The following WWC2 variants were observed in gnomAD, a reference collection of about 807,000 sequenced individuals.
The protein encoded by WWC2 is WW and C2 domain containing 2, also known as protein WWC2.
A neutral mutation model predicts 138.5 loss-of-function variants in WWC2; 101 were observed. The ratio of observed to expected loss-of-function variants is 0.73; its 90% confidence interval spans 0.62 to 0.86. The LOEUF (loss-of-function observed/expected upper bound fraction) is 0.86, where lower values mean the gene tolerates loss of function less well. Among genes scored for constraint, WWC2 ranks in the 40% least tolerant of loss-of-function variants. The pLI, the probability that WWC2 is intolerant of heterozygous loss-of-function variation, is 0.00. For synonymous variants in WWC2, 558 were observed against 538.4 expected, an observed-to-expected ratio of 1.04 and a Z score of -0.50; for missense variants, 1,420 against 1,419.4, an observed-to-expected ratio of 1.00 and a Z score of -0.01.
At chr4:183,255,618 G>A (rs1000739844) in intron 9 of WWC2, among the ~76,000 whole-genome samples, 1 of 152,120 alleles carries the variant, frequency 6.6e-6, no homozygotes, top group Non-Finnish European at 1.5e-5. Flanking sequence ...GGTGAATCTA[G>A]GAAGGACTTA....
In WWC2 at chr4:183,099,523, C is replaced by G; in HGVS notation, c.32C>G (p.Pro11Arg). Reference protein sequence around the residue: MPRRAGSGQLPLPRGWEEARD... With the variant: MPRRAGSGQLRLPRGWEEARD... ...AGGAGGGCCGGGAGCGGTCAGCTGC[C>G]GCTGCCCCGGGGCTGGGAGGAGGCC... is the stretch of plus-strand genomic sequence containing the variant. The change falls in exon 1 of 23, where the codon CCG becomes CGG. Residue 11 changes from proline (P) to arginine (R), a missense_variant. By Grantham distance (103) the Pro-to-Arg change is moderately radical. Transcript: ENST00000403733. The G allele has an allele frequency of 7.2e-7, 1 of 1,396,160 alleles. No homozygotes were observed. Among genetic ancestry groups the G allele is most frequent in the Non-Finnish European group, 9.5e-7 (1 of 1,058,042 alleles). 86.5% of individuals were successfully genotyped at this position (1,396,160 alleles called of 1,614,324 possible).
At chr4:183,121,219 A>G (rs1732589444) in intron 1 of WWC2, among the ~76,000 whole-genome samples, 1 of 151,876 alleles carries the variant, frequency 6.6e-6, no homozygotes, top group Non-Finnish European at 1.5e-5. Flanking sequence ...AAAAAAAAAA[A>G]GTAACATTGT....
At chr4:183,259,572 A>T in intron 9 of WWC2, 67 bp from the exon 10 acceptor site, 2 of 1,212,550 alleles carry the variant, frequency 1.6e-6, no homozygotes, top group Non-Finnish European at 2.3e-6. Flanking sequence ...TACAATGAGA[A>T]TCTTTCTTTC....
In WWC2 at chr4:183,218,417, C is replaced by T. The variant is rs374629153; in HGVS notation, c.522+9392C>T. 4.5e-4 allele frequency among the ~76,000 whole-genome samples: 68 copies of T among 151,570 alleles called. 1 individual carries two copies. The East Asian group carries it at 8.7e-3, about 19-fold the overall frequency. On this transcript the variant is annotated intron_variant, in intron 4 of 22. Transcript: ENST00000403733. The stretch of plus-strand genomic sequence containing the variant: ...AAGTATCTGTTTGAGTCTCTGCTTT[C>T]GGTTCTTTGGGGTATATATCCAGAA...
intron 21 of WWC2, among the ~76,000 whole-genome samples, chr4:183,294,105 C>T (rs1271741919): frequency 6.6e-6 from 1 of 152,068 alleles, no homozygotes; most frequent in Non-Finnish European, 1.5e-5. Flanking sequence ...TTCAGCTCTG[C>T]CATAGATAAA....
intron 1 of WWC2, among the ~76,000 whole-genome samples, chr4:183,104,656 G>A (rs572515054): frequency 6.2e-4 from 94 of 152,170 alleles, no homozygotes; most frequent in South Asian, 1.2e-3. Flanking sequence ...AGTGTGGAGA[G>A]GTTGTTAAAA....
At chr4:183,126,090 G>A (rs1364837615) in intron 1 of WWC2, among the ~76,000 whole-genome samples, 1 of 152,150 alleles carries the variant, frequency 6.6e-6, no homozygotes, top group East Asian at 1.9e-4. Context: ...GCCTCACCCT[G>A]GTCCTGGCCC....
chr4:183,155,189 G>GGAGAGAGAGAGA (rs770609371), intron 1 of WWC2, among the ~76,000 whole-genome samples: 14 of 103,732 alleles, frequency 1.3e-4, no homozygotes, highest in African/African-American at 3.8e-4. Flanking sequence ...CATCTTCTGA[G>GGAGAGAGAGAGA]GAGAGAGAGA....
At chr4:183,230,663 A>G (rs1736216688) in intron 4 of WWC2, among the ~76,000 whole-genome samples, 1 of 152,158 alleles carries the variant, frequency 6.6e-6, no homozygotes, top group South Asian at 2.1e-4. Context: ...GCAACTGCCA[A>G]GAGCAAAACT....
intron 4 of WWC2, among the ~76,000 whole-genome samples, chr4:183,222,692 G>A (rs928795342): frequency 3.9e-5 from 6 of 152,190 alleles, no homozygotes; most frequent in East Asian, 3.9e-4. Context: ...GTGGCCAGGC[G>A]TGGTGGCTCA....
At chr4:183,150,850 G>A (rs368624856) in intron 1 of WWC2, among the ~76,000 whole-genome samples, 2 of 152,052 alleles carry the variant, frequency 1.3e-5, no homozygotes, top group South Asian at 2.1e-4. Context: ...CATCCGTGTC[G>A]CTACAAAGGA....
At chr4:183,211,000 T>G (rs769666794) in intron 4 of WWC2, among the ~76,000 whole-genome samples, 5 of 152,258 alleles carry the variant, frequency 3.3e-5, no homozygotes, top group East Asian at 1.9e-4. Flanking sequence ...AGTTACTTTA[T>G]GCACAGGCTT....
At chr4:183,166,584 A>G (rs1734136608) in intron 1 of WWC2, among the ~76,000 whole-genome samples, 2 of 152,236 alleles carry the variant, frequency 1.3e-5, no homozygotes, top group South Asian at 4.1e-4. Context: ...CAGCAGGGCC[A>G]TGAGAAGTCT....
rs370273593 is a variant in WWC2, at chr4:183,313,274, G to A, written c.3512+806G>A. Among the ~76,000 whole-genome samples, 30 of 152,316 alleles carry A rather than the reference G, an allele frequency of 2.0e-4. 2 individuals carry two copies. The highest frequency in any genetic ancestry group is 1.4e-3 in the Admixed American group (22 of 15,310). On this transcript the variant is annotated intron_variant, in intron 22 of 22. Coordinates refer to ENST00000403733, the MANE Select transcript of WWC2 (RefSeq NM_024949.6). ...GAAGCTGTGCAGAAGGCTTCCACCCGTGGTCTCTGACGGGCGGCCAGCAGG... is the reference window on the plus strand; with the variant it reads ...GAAGCTGTGCAGAAGGCTTCCACCCATGGTCTCTGACGGGCGGCCAGCAGG...
At chr4:183,160,963 A>G (rs538689817) in intron 1 of WWC2, among the ~76,000 whole-genome samples, 9 of 152,162 alleles carry the variant, frequency 5.9e-5, no homozygotes, top group African/African-American at 1.7e-4. Context: ...AGATAGAGCA[A>G]CTTATTAGGA....
At chr4:183,100,382 G>C (rs183575943) in intron 1 of WWC2, among the ~76,000 whole-genome samples, 1 of 152,296 alleles carries the variant, frequency 6.6e-6, no homozygotes, top group African/African-American at 2.4e-5. Flanking sequence ...ATTGGTTCAG[G>C]AACTGAAGGT....
At chr4:183,106,054 A>C (rs962334743) in intron 1 of WWC2, among the ~76,000 whole-genome samples, 1 of 151,300 alleles carries the variant, frequency 6.6e-6, no homozygotes, top group African/African-American at 2.4e-5. Flanking sequence ...ATTTCGGCTC[A>C]CTACAGCCTC....
chr4:183,251,776 A>G (rs1254056645), intron 8 of WWC2, among the ~76,000 whole-genome samples: 1 of 152,228 alleles, frequency 6.6e-6, no homozygotes, highest in Admixed American at 6.5e-5. Flanking sequence ...CTGATGAGAA[A>G]GTAAATCTCA....
chr4:183,171,684 C>T (rs1236126854), intron 1 of WWC2, among the ~76,000 whole-genome samples: 2 of 152,192 alleles, frequency 1.3e-5, no homozygotes, highest in Non-Finnish European at 2.9e-5. Flanking sequence ...GACAGGCATC[C>T]TGTGACCCAC....
Sources: allele counts gnomAD v4.1 joint callset (sites outside exome capture counted in the v4.1 genomes callset), GRCh38; gene constraint gnomAD v4.1.1; transcripts MANE v1.5; gene names NCBI Gene and HGNC (gene_info 2026-07-23, HGNC 2026-07-21).